Variants in SPATA17 observed in about 807,000 individuals in gnomAD.
SPATA17 encodes the protein spermatogenesis associated 17, also known as spermatogenesis-associated protein 17.
A neutral mutation model predicts 62.2 loss-of-function variants in SPATA17; 53 were observed. The ratio of observed to expected loss-of-function variants is 0.85; its 90% CI spans 0.68 to 1.07. The LOEUF (loss-of-function observed/expected upper bound fraction) is 1.07, where lower values mean the gene tolerates loss of function less well. SPATA17 is among the 50% of genes least tolerant of loss of function. The probability of loss-of-function intolerance (pLI) is 0.00; values close to 1 mark genes in which losing one functional copy is unlikely to be tolerated. For synonymous variants in SPATA17, 146 were observed against 146.8 expected (o/e 0.99, Z 0.04); for missense variants, 466 against 425.5 (o/e 1.10, Z -0.84).
At position 217,807,447 on chromosome 1, in the gene SPATA17, C is replaced by G. The variant is rs532053590; in HGVS notation, c.1005+5597C>G. On this transcript the variant is annotated intron_variant, in intron 9 of 10. Coordinates refer to ENST00000366933, the MANE Select transcript of SPATA17 (RefSeq NM_138796.4). Reference sequence around the variant, plus strand: ...CATATAAAAGGAAACCCATATTACTCTCTAAGGACATTCCTAAGAGAGTTT... The same window carrying G: ...CATATAAAAGGAAACCCATATTACTGTCTAAGGACATTCCTAAGAGAGTTT... 3.0e-4 allele frequency among the ~76,000 whole-genome samples: 46 copies of G among 152,220 alleles called. 2 individuals carry two copies. The South Asian group carries it at 5.8e-3, about 19-fold the overall frequency.
intron 7 of SPATA17, among the ~76,000 whole-genome samples, chr1:217,778,659 G>A (rs1427432260): frequency 1.3e-5 from 2 of 151,936 alleles, no homozygotes; most frequent in Non-Finnish European, 2.9e-5. Flanking sequence ...ATAAAATAAG[G>A]GCATGTAAAT....
At chr1:217,782,886 CTCTT>C (rs543057910) in intron 8 of SPATA17, among the ~76,000 whole-genome samples, 11 of 151,950 alleles carry the variant, frequency 7.2e-5, no homozygotes, top group Admixed American at 7.2e-4. Flanking sequence ...CACTTTCTCT[CTCTT>C]AAGACACTTT....
chr1:217,634,896 TTTTGTTG>T (rs779830010), intron 1 of SPATA17, among the ~76,000 whole-genome samples: 39 of 106,604 alleles, frequency 3.7e-4, no homozygotes, highest in African/African-American at 1.2e-3. Flanking sequence ...GTATTGGCCT[TTTTGTTG>T]TTGTTGTTGT....
chr1:217,701,744 TG>T (rs1289016363), intron 5 of SPATA17, among the ~76,000 whole-genome samples: 2 of 152,270 alleles, frequency 1.3e-5, no homozygotes, highest in Admixed American at 1.3e-4. Flanking sequence ...TGGCTTTTAT[TG>T]GTGCTCGCAT....
chr1:217,729,916 A>G (rs1283752042), intron 5 of SPATA17, among the ~76,000 whole-genome samples: 1 of 152,220 alleles, frequency 6.6e-6, no homozygotes, highest in African/African-American at 2.4e-5. Flanking sequence ...CCAAGAAGGA[A>G]TTAACAAAAG....
intron 9 of SPATA17, among the ~76,000 whole-genome samples, chr1:217,826,114 T>C (rs2102999390): frequency 6.6e-6 from 1 of 152,252 alleles, no homozygotes; most frequent in African/African-American, 2.4e-5. Flanking sequence ...ACCACAATTG[T>C]GCAGGCTCTA....
intron 4 of SPATA17, among the ~76,000 whole-genome samples, chr1:217,678,497 C>T (rs781538288): frequency 4.0e-5 from 6 of 151,818 alleles, no homozygotes; most frequent in Admixed American, 1.3e-4. Flanking sequence ...CATGAGCCAC[C>T]GCTCCTGGCC....
At chr1:217,838,165 G>C (rs1405845856) in intron 9 of SPATA17, among the ~76,000 whole-genome samples, 2 of 152,022 alleles carry the variant, frequency 1.3e-5, no homozygotes, top group Admixed American at 1.3e-4. Context: ...GTGGCTACTA[G>C]AAAAATAAAT....
intron 8 of SPATA17, among the ~76,000 whole-genome samples, chr1:217,795,685 C>T (rs1462005280): frequency 6.6e-6 from 1 of 151,926 alleles, no homozygotes; most frequent in Non-Finnish European, 1.5e-5. Flanking sequence ...AGTCTATTGA[C>T]TTCATGGAGC....
chr1:217,688,059 A>G (rs941857119), intron 5 of SPATA17, among the ~76,000 whole-genome samples: 2 of 151,958 alleles, frequency 1.3e-5, no homozygotes, highest in African/African-American at 4.8e-5. Flanking sequence ...AATTGAACTT[A>G]CCTCTTAACT....
chr1:217,670,310 A>AG (rs1202843878), intron 4 of SPATA17, among the ~76,000 whole-genome samples: 1 of 152,116 alleles, frequency 6.6e-6, no homozygotes, highest in Non-Finnish European at 1.5e-5. Context: ...ACTGATCACC[A>AG]GGGGAGACTG....
At chr1:217,658,762 A>C (rs1670500348) in intron 3 of SPATA17, among the ~76,000 whole-genome samples, 2 of 152,088 alleles carry the variant, frequency 1.3e-5, no homozygotes, top group Admixed American at 1.3e-4. Flanking sequence ...TATCTCAAAA[A>C]ATCATAATAA....
chr1:217,704,670 C>T (rs1214411753), intron 5 of SPATA17, among the ~76,000 whole-genome samples: 1 of 152,072 alleles, frequency 6.6e-6, no homozygotes, highest in East Asian at 1.9e-4. Context: ...TCTGTTCCTG[C>T]GTTAGTTCTC....
intron 1 of SPATA17, among the ~76,000 whole-genome samples, chr1:217,639,425 A>G (rs1017260492): frequency 2.6e-5 from 4 of 152,148 alleles, no homozygotes; most frequent in African/African-American, 9.6e-5. Context: ...GACGAAATGT[A>G]CTCAAGAAAG....
intron 8 of SPATA17, among the ~76,000 whole-genome samples, chr1:217,794,300 C>A (rs1003763861): frequency 6.6e-6 from 1 of 152,094 alleles, no homozygotes; most frequent in Non-Finnish European, 1.5e-5. Context: ...ACTGTAGAAT[C>A]TATAGTCTTC....
In SPATA17 at chr1:217,870,938, C is replaced by T. The variant is rs1382990417; in HGVS notation, c.*3919C>T. ...TGTGCTAATGATAAATAAAGAAGTT[C>T]AAAAAAATCTTTTAATAGAAGCTAT... is the stretch of plus-strand genomic sequence containing the variant. On this transcript the variant is annotated 3_prime_UTR_variant, in exon 11 of 11. Transcript: ENST00000366933. The T allele has an allele frequency of 6.6e-6, 1 of 151,996 alleles. No individual in the cohort carries two copies. Among genetic ancestry groups the T allele is most frequent in the African/African-American group, 2.4e-5 (1 of 41,410 alleles). 9.4% of individuals were successfully genotyped at this position (151,996 alleles called of 1,614,324 possible).
chr1:217,763,811 A>G (rs1440578288), intron 6 of SPATA17, among the ~76,000 whole-genome samples: 1 of 152,098 alleles, frequency 6.6e-6, no homozygotes, highest in Non-Finnish European at 1.5e-5. Context: ...GGTTGGATAT[A>G]TGGGGTAGGG....
chr1:217,746,606 T>C (rs1047387244), intron 6 of SPATA17, among the ~76,000 whole-genome samples: 1 of 151,770 alleles, frequency 6.6e-6, no homozygotes, highest in Non-Finnish European at 1.5e-5. Flanking sequence ...GATATACTCA[T>C]ATACTCATAT....
At position 217,631,447 on chromosome 1, in the gene SPATA17, G is replaced by T. The variant is rs1291899380; in HGVS notation, c.68+1G>T. On this transcript the variant is annotated splice_donor_variant, in intron 1 of 10. Transcript: ENST00000366933. LOFTEE classifies it high-confidence loss of function. Reference sequence around the variant, plus strand: ...GAAATCAGTACTACTTTAGGAACAGGTAAGTCAGGAAGAGAAGGATCGCGT... The same window carrying T: ...GAAATCAGTACTACTTTAGGAACAGTTAAGTCAGGAAGAGAAGGATCGCGT... The T allele has an allele frequency of 5.6e-6, 9 of 1,614,134 alleles. No individual in the cohort carries two copies. The Admixed American group carries it at 1.2e-4, about 21-fold the overall frequency.
Sources: gnomAD v4.1 joint callset for allele counts (sites outside exome capture counted in the v4.1 genomes callset) on GRCh38, gnomAD v4.1.1 for gene constraint, MANE v1.5 for transcripts, NCBI Gene and HGNC (gene_info 2026-07-23, HGNC 2026-07-21) for gene names.